The following GLCCI1 variants were observed in gnomAD, a reference collection of about 807,000 sequenced individuals.
GLCCI1 encodes the protein glucocorticoid-induced transcript 1 protein.
Under a neutral mutation model 52.2 loss-of-function variants are expected in GLCCI1, and 24 were observed. The observed-to-expected ratio is 0.46, with a 90% CI of 0.33 to 0.65. The LOEUF is 0.65. Ranked by LOEUF, GLCCI1 falls within the 30% of genes least tolerant of loss-of-function variation. The pLI is 0.02. For missense variants in GLCCI1, 704 were observed against 701.5 expected (o/e 1.00, Z -0.04); for synonymous variants, 310 against 276.5 (o/e 1.12, Z -1.20).
intron 2 of GLCCI1, among the ~76,000 whole-genome samples, chr7:8,008,694 C>G (rs1781204118): frequency 1.3e-5 from 2 of 152,118 alleles, no homozygotes; most frequent in Non-Finnish European, 2.9e-5. Flanking sequence ...ATAACTTTAA[C>G]TTTAAAAATA....
At chr7:8,007,285 C>T (rs1042609593) in intron 2 of GLCCI1, among the ~76,000 whole-genome samples, 6 of 152,132 alleles carry the variant, frequency 3.9e-5, no homozygotes, top group African/African-American at 1.4e-4. Flanking sequence ...CATTACATAG[C>T]TGTACATTAA....
Position 8,071,020 on chromosome 7 carries a change from C to G in GLCCI1, c.1066C>G (p.Arg356Gly), listed in dbSNP as rs145682662. The G allele has an allele frequency of 6.2e-7, 1 of 1,613,826 alleles. No individual in the cohort carries two copies. The highest frequency in any genetic ancestry group is 1.1e-5 in the South Asian group (1 of 91,080). Residue 356 changes from arginine to glycine, a missense_variant, in exon 6 of 8, where the codon CGC becomes GGC. Transcript: ENST00000223145. ...IDTQTPSVQE[R>G]SSSCSSHSPC... ...CACTCAGACTCCTTCTGTCCAGGAGCGCAGCAGTAGCTGCAGCAGTCATTC... is the reference window on the plus strand; with the variant it reads ...CACTCAGACTCCTTCTGTCCAGGAGGGCAGCAGTAGCTGCAGCAGTCATTC...
At chr7:7,982,531 G>A (rs1033309871) in intron 1 of GLCCI1, among the ~76,000 whole-genome samples, 2 of 151,948 alleles carry the variant, frequency 1.3e-5, no homozygotes, top group African/African-American at 2.4e-5. Context: ...ATACATAAAC[G>A]TGTTTATAAA....
At chr7:8,081,884 T>C (rs2127968917) in intron 6 of GLCCI1, among the ~76,000 whole-genome samples, 1 of 152,318 alleles carries the variant, frequency 6.6e-6, no homozygotes, top group East Asian at 1.9e-4. Flanking sequence ...ATGAGACTTG[T>C]GAATACAGAA....
In GLCCI1 at chr7:8,086,113, G is replaced by A. The variant is rs1304232076; in HGVS notation, c.1299-80G>A. 1.6e-6 allele frequency: 2 copies of A among 1,222,074 alleles called. No individual in the cohort carries two copies. The highest frequency in any genetic ancestry group is 4.3e-5 in the Admixed American group (2 of 46,138). 75.7% of individuals were successfully genotyped at this position (1,222,074 alleles called of 1,614,324 possible). A position where few individuals can be genotyped will look rare whatever the true frequency, so the allele number is the denominator to read the frequency against. ...TGCCATTTACATTTTAGCTGTTTTA[G>A]AGAACTCCAGTTAATTCAGAAAATG... On this transcript the variant is annotated intron_variant, in intron 7 of 7. Coordinates refer to ENST00000223145, the MANE Select transcript of GLCCI1 (RefSeq NM_138426.4). This position sits in a 1 kb window ranked among gnomAD's most constrained non-coding sequence, Gnocchi z 4.4.
intron 3 of GLCCI1, among the ~76,000 whole-genome samples, chr7:8,051,334 C>G (rs1007436930): frequency 1.3e-5 from 2 of 152,222 alleles, no homozygotes; most frequent in African/African-American, 2.4e-5. Context: ...GGAAGCATAG[C>G]TCCCCAGCCC....
rs960492849 is a variant in GLCCI1 at position 8,084,792 on chromosome 7, G to A, written c.1178-105G>A. The A allele has an allele frequency of 1.7e-5, 19 of 1,112,002 alleles. No individual in the cohort carries two copies. In the South Asian group the frequency reaches 2.6e-4, roughly 15 times the overall value. The allele number at this position is 1,112,002 out of a possible 1,614,324, so 68.9% of individuals were successfully genotyped here. A position where few individuals can be genotyped will look rare whatever the true frequency, so the allele number is the denominator to read the frequency against. On this transcript the variant is annotated intron_variant, in intron 6 of 7. Transcript: ENST00000223145. Reference sequence around the variant, plus strand: ...TTTGCAATAAAGGAGACTGGTCAAAGCATAGGGGCAGTAGTGGATAAATTG... The same window carrying A: ...TTTGCAATAAAGGAGACTGGTCAAAACATAGGGGCAGTAGTGGATAAATTG...
chr7:8,023,588 C>CTTT (rs571726894), intron 3 of GLCCI1, among the ~76,000 whole-genome samples: 469 of 41,960 alleles, frequency 0.011, 138 homozygotes, highest in African/African-American at 0.026. Flanking sequence ...CTCTGTTATT[C>CTTT]TTTTTTTTTT....
At chr7:7,970,135 C>G (rs180994980) in intron 1 of GLCCI1, among the ~76,000 whole-genome samples, 1 of 152,174 alleles carries the variant, frequency 6.6e-6, no homozygotes, top group African/African-American at 2.4e-5. Flanking sequence ...ACACTTAACA[C>G]GCACACAAAC....
In GLCCI1 at chr7:8,038,457, A is replaced by G. The variant is rs114032652; in HGVS notation, c.696+15888A>G. Among the ~76,000 whole-genome samples, 937 of 152,328 alleles carry G rather than the reference A, an allele frequency of 6.2e-3. 12 individuals carry two copies. Among genetic ancestry groups the G allele is most frequent in the African/African-American group, 0.019 (806 of 41,582 alleles). On this transcript the variant is annotated intron_variant, in intron 3 of 7. Transcript: ENST00000223145. The stretch of plus-strand genomic sequence containing the variant: ...GTGGAACAAAATAGAGAACCCAGAA[A>G]TAAAGTCAACTGATTTTTGACAAAG...
intron 5 of GLCCI1, among the ~76,000 whole-genome samples, chr7:8,069,503 G>A (rs1782706191): frequency 6.6e-6 from 1 of 152,174 alleles, no homozygotes; most frequent in South Asian, 2.1e-4. Context: ...GGGATGTTCA[G>A]CCAGGGGGTG....
chr7:8,045,321 A>C (rs1217924381), intron 3 of GLCCI1, among the ~76,000 whole-genome samples: 1 of 152,134 alleles, frequency 6.6e-6, no homozygotes, highest in Non-Finnish European at 1.5e-5. Context: ...CCATTTAGAT[A>C]CGGCAACATA....
At chr7:8,049,856 C>T (rs1230924885) in intron 3 of GLCCI1, among the ~76,000 whole-genome samples, 1 of 152,180 alleles carries the variant, frequency 6.6e-6, no homozygotes, top group Non-Finnish European at 1.5e-5. Flanking sequence ...AGCTGTTTCA[C>T]ATTGGGAAGG....
At chr7:8,025,022 A>C (rs1022461608) in intron 3 of GLCCI1, among the ~76,000 whole-genome samples, 1 of 152,206 alleles carries the variant, frequency 6.6e-6, no homozygotes, top group African/African-American at 2.4e-5. Flanking sequence ...TTATTAGTCT[A>C]AGACTGTAGT....
At chr7:8,066,250 C>T (rs1782629027) in intron 5 of GLCCI1, among the ~76,000 whole-genome samples, 1 of 152,036 alleles carries the variant, frequency 6.6e-6, no homozygotes, top group Non-Finnish European at 1.5e-5. Flanking sequence ...GTACTGTCCC[C>T]TTTGTCATTT....
rs1396103632 is a variant in GLCCI1 at position 8,070,902 on chromosome 7, A to G, written c.967-19A>G. On this transcript the variant is annotated intron_variant, in intron 5 of 7. Coordinates refer to ENST00000223145, the MANE Select transcript of GLCCI1 (RefSeq NM_138426.4). ...TATATGCACCAGCATTTGGATGTTT[A>G]ATGGTATTCCTCTTACAGCCGTTGG... 2 of 1,602,666 alleles carry G rather than the reference A, an allele frequency of 1.2e-6. No homozygotes were observed. The highest frequency in any genetic ancestry group is 1.7e-6 in the Non-Finnish European group (2 of 1,169,930).
At position 7,997,417 on chromosome 7, in the gene GLCCI1, G is replaced by T. The variant is rs536253329; in HGVS notation, c.458-6491G>T. 3.2e-4 allele frequency among the ~76,000 whole-genome samples: 49 copies of T among 152,142 alleles called. 1 individual carries two copies. In the South Asian group the frequency reaches 9.3e-3, roughly 29 times the overall value. On this transcript the variant is annotated intron_variant, in intron 1 of 7. Coordinates refer to ENST00000223145, the MANE Select transcript of GLCCI1 (RefSeq NM_138426.4). ...CCAATAGCAGGAAAATTCCACACCT[G>T]TATTTATTTATGGCTATTTTTGATC... is the stretch of plus-strand genomic sequence containing the variant.
intron 2 of GLCCI1, among the ~76,000 whole-genome samples, chr7:8,004,586 A>T (rs1781110098): frequency 6.6e-6 from 1 of 152,196 alleles, no homozygotes; most frequent in South Asian, 2.1e-4. Context: ...TCAGAAAAAA[A>T]ATCTGAAAAC....
chr7:8,076,946 C>G (rs1469820423), intron 6 of GLCCI1, among the ~76,000 whole-genome samples: 1 of 152,030 alleles, frequency 6.6e-6, no homozygotes, highest in East Asian at 1.9e-4. Flanking sequence ...TTATGTTAGG[C>G]TTTTAATGTT....
Sources: gnomAD v4.1 joint callset for allele counts (sites outside exome capture counted in the v4.1 genomes callset) on GRCh38, gnomAD v4.1.1 for gene constraint, Gnocchi (gnomAD v3.1) non-coding constraint, MANE v1.5 for transcripts, NCBI Gene and HGNC (gene_info 2026-07-23, HGNC 2026-07-21) for gene names.